Variants in KCNS2 observed in about 807,000 individuals in gnomAD.
KCNS2 encodes the protein potassium voltage-gated channel modifier subfamily S member 2, also known as delayed-rectifier potassium channel regulatory subunit KCNS2.
Under a neutral mutation model 28.3 loss-of-function variants are expected in KCNS2, and 15 were observed. That is an observed-to-expected ratio of 0.53 (90% confidence interval 0.35 to 0.82). KCNS2 has a LOEUF of 0.82. Ranked by LOEUF, KCNS2 falls within the 40% of genes least tolerant of loss-of-function variation. The pLI is 0.01. For missense variants in KCNS2, 501 were observed against 617.1 expected (o/e 0.81, Z 1.99); for synonymous variants, 254 against 256.7 (o/e 0.99, Z 0.10).
In KCNS2 at chr8:98,429,515, G is replaced by C; in HGVS notation, c.*102G>C. The C allele has an allele frequency of 1.2e-6, 1 of 804,630 alleles. No homozygotes were observed. Among genetic ancestry groups the C allele is most frequent in the East Asian group, 2.5e-5 (1 of 39,546 alleles). 49.8% of individuals were successfully genotyped at this position (804,630 alleles called of 1,614,324 possible). On this transcript the variant is annotated 3_prime_UTR_variant, in exon 2 of 2. Coordinates refer to ENST00000287042, the MANE Select transcript of KCNS2 (RefSeq NM_020697.4). ...GGTTATGGTGTAAGGAGTATGCCCA[G>C]CCCCTGAGGGGAGAGATGCATGGGA...
rs1214188884 is a variant in KCNS2 at position 98,428,181 on chromosome 8, GAGTTCT to G, written c.204_209del (p.Glu68_Tyr70delinsAsp). 6.2e-7 allele frequency: 1 copy of G among 1,614,072 alleles called. No homozygotes were observed. Among genetic ancestry groups the G allele is most frequent in the East Asian group, 2.2e-5 (1 of 44,864 alleles). Reference sequence around the variant, plus strand: ...CGATGACTACGACGACGTCCAGCGGGAGTTCTACTTCGACCGCAACCCTGAGCTCTT... The same window carrying G: ...CGATGACTACGACGACGTCCAGCGGGACTTCGACCGCAACCCTGAGCTCTT... On this transcript the variant is annotated inframe_deletion, in exon 2 of 2. Transcript: ENST00000287042. This position sits in a 1 kb window ranked among gnomAD's most constrained non-coding sequence, Gnocchi z 6.7.
Position 98,429,018 on chromosome 8 carries a change from G to T in KCNS2, c.1039G>T (p.Ala347Ser), listed in dbSNP as rs1472287991. Residue 347 changes from alanine (A) to serine (S), a missense_variant, in exon 2 of 2, where the codon GCC (alanine) becomes TCC (serine). Coordinates refer to ENST00000287042, the MANE Select transcript of KCNS2 (RefSeq NM_020697.4). Reference protein sequence around the residue: ...SVGISIFSVVAYTIEKEENEG... With the variant: ...SVGISIFSVVSYTIEKEENEG... ...GGGGATTTCCATCTTCTCCGTGGTG[G>T]CCTACACCATTGAAAAGGAGGAGAA... The T allele has an allele frequency of 6.2e-7, 1 of 1,613,924 alleles. No individual in the cohort carries two copies. Among genetic ancestry groups the T allele is most frequent in the Non-Finnish European group, 8.5e-7 (1 of 1,179,886 alleles).
rs140159901 is a variant in KCNS2, at chr8:98,428,085, C to A, written c.106C>A (p.Leu36Met). The change falls in exon 2 of 2, where the codon CTG becomes ATG. Residue 36 changes from leucine (L) to methionine (M), a missense_variant. By Grantham distance (15) the Leu-to-Met change is conservative. Transcript: ENST00000287042. The surrounding 1 kb of genome is among the most constrained non-coding windows in gnomAD (Gnocchi z 6.7). ...FKRRLRSHTL[L>M]RFPETRLGRL... is the part of the protein sequence containing the mutation. ...GAGGAGGCTGCGCTCGCACACGCTG[C>A]TGCGCTTCCCCGAGACGCGCCTGGG... 1.5e-5 allele frequency: 25 copies of A among 1,613,716 alleles called. No individual in the cohort carries two copies. Among genetic ancestry groups the A allele is most frequent in the Non-Finnish European group, 1.9e-5 (22 of 1,179,990 alleles).
In KCNS2 at chr8:98,428,657, G is replaced by A; in HGVS notation, c.678G>A (p.Arg226=). The A allele has an allele frequency of 6.2e-7, 1 of 1,614,178 alleles. No homozygotes were observed. The highest frequency in any genetic ancestry group is 8.5e-7 in the Non-Finnish European group (1 of 1,180,030). Residue 226 remains arginine (R), a synonymous_variant, in exon 2 of 2, where the codon AGG becomes AGA. Transcript: ENST00000287042. The surrounding 1 kb of genome is among the most constrained non-coding windows in gnomAD (Gnocchi z 6.7). ...DSQGNPGEDP[R]FEIVEHFGIA... is the part of the protein sequence containing the mutation. ...AGGGCAACCCTGGCGAGGACCCTAGGTTCGAAATCGTGGAGCACTTTGGCA... is the reference window on the plus strand; with the variant it reads ...AGGGCAACCCTGGCGAGGACCCTAGATTCGAAATCGTGGAGCACTTTGGCA...
rs913900322 is a variant in KCNS2 at position 98,431,382 on chromosome 8, C to T, written c.*1969C>T. The T allele has an allele frequency of 6.0e-6, 1 of 167,072 alleles. No homozygotes were observed. Among genetic ancestry groups the T allele is most frequent in the Non-Finnish European group, 1.5e-5 (1 of 68,142 alleles). 10.3% of individuals were successfully genotyped at this position (167,072 alleles called of 1,614,324 possible). A position where few individuals can be genotyped will look rare whatever the true frequency, so the allele number is the denominator to read the frequency against. On this transcript the variant is annotated 3_prime_UTR_variant, in exon 2 of 2. Coordinates refer to ENST00000287042, the MANE Select transcript of KCNS2 (RefSeq NM_020697.4). ...TGAAGCATCAGGAAAAGTGAGATGA[C>T]TTAGAGGCAACTGGGCACTGAATCA...
Position 98,432,523 on chromosome 8 carries a change from A to C in KCNS2, c.*3110A>C, listed in dbSNP as rs1309958031. 6.0e-6 allele frequency: 1 copy of C among 167,114 alleles called. No homozygotes were observed. Among genetic ancestry groups the C allele is most frequent in the Admixed American group, 6.5e-5 (1 of 15,286 alleles). The allele number at this position is 167,114 out of a possible 1,614,324, so 10.4% of individuals were successfully genotyped here. A position where few individuals can be genotyped will look rare whatever the true frequency, so the allele number is the denominator to read the frequency against. On this transcript the variant is annotated 3_prime_UTR_variant, in exon 2 of 2. Transcript: ENST00000287042. Reference sequence around the variant, plus strand: ...GTGAGGAAGGGCATGTTGTAATGCCAAGCTGATTTGTAGCTCGTAAGGTAG... The same window carrying C: ...GTGAGGAAGGGCATGTTGTAATGCCCAGCTGATTTGTAGCTCGTAAGGTAG...
rs757602152 is a variant in KCNS2, at chr8:98,428,371, A to C, written c.392A>C (p.Glu131Ala). ...YSYHGRKVEPEQEKWDEQSDQ... is the reference protein window; with the variant it reads ...YSYHGRKVEPAQEKWDEQSDQ... ...TACCATGGCCGCAAAGTAGAGCCCG[A>C]GCAGGAGAAGTGGGACGAGCAGAGT... The change falls in exon 2 of 2, where the codon GAG becomes GCG. Residue 131 changes from glutamate to alanine, a missense_variant. Physicochemically the swap from Glu to Ala is moderately radical, Grantham distance 107 (BLOSUM62 -1). Coordinates refer to ENST00000287042, the MANE Select transcript of KCNS2 (RefSeq NM_020697.4). This position sits in a 1 kb window ranked among gnomAD's most constrained non-coding sequence, Gnocchi z 6.7. The C allele has an allele frequency of 6.2e-7, 1 of 1,614,014 alleles. No individual in the cohort carries two copies. Among genetic ancestry groups the C allele is most frequent in the African/African-American group, 1.3e-5 (1 of 74,896 alleles).
chr8:98,428,558 C>T lies in KCNS2; in HGVS notation c.579C>T (p.Ser193=). Residue 193 remains serine (S), a synonymous_variant, in exon 2 of 2, where the codon TCC becomes TCT. Coordinates refer to ENST00000287042, the MANE Select transcript of KCNS2 (RefSeq NM_020697.4). The surrounding 1 kb of genome is among the most constrained non-coding windows in gnomAD (Gnocchi z 6.7). ...TGAGCAGGGTCTTCAGCATCCTGTC[C>T]ATCCTGGTGGTGATGGGGTCCATCA... The part of the protein sequence containing the change: ...SVLSRVFSIL[S]ILVVMGSIIT... The T allele has an allele frequency of 6.2e-7, 1 of 1,614,212 alleles. No individual in the cohort carries two copies. Among genetic ancestry groups the T allele is most frequent in the Non-Finnish European group, 8.5e-7 (1 of 1,180,044 alleles).
In KCNS2 at chr8:98,427,962, G is replaced by A. The variant is rs1818264520; in HGVS notation, c.-18G>A. 1 of 1,484,200 alleles carries A rather than the reference G, an allele frequency of 6.7e-7. No individual in the cohort carries two copies. The highest frequency in any genetic ancestry group is 1.4e-5 in the African/African-American group (1 of 70,756). 91.9% of individuals were successfully genotyped at this position (1,484,200 alleles called of 1,614,324 possible). A position where few individuals can be genotyped will look rare whatever the true frequency, so the allele number is the denominator to read the frequency against. On this transcript the variant is annotated 5_prime_UTR_variant, in exon 2 of 2. Coordinates refer to ENST00000287042, the MANE Select transcript of KCNS2 (RefSeq NM_020697.4). ...GGTGTAGCGCCCCCGCGCGGCGCGG[G>A]CGGCCGGCGCCTCCAGCATGACCGG...
rs968178565 is a variant in KCNS2 at position 98,431,978 on chromosome 8, C to T, written c.*2565C>T. 1.0e-4 allele frequency: 17 copies of T among 167,018 alleles called. No homozygotes were observed. The highest frequency in any genetic ancestry group is 3.4e-4 in the African/African-American group (14 of 41,404). 10.3% of individuals were successfully genotyped at this position (167,018 alleles called of 1,614,324 possible). ...CAGATAAGTGGGAGAAAGAACAACCCGGCTGGCTTAAACCCTGGAGCTAAT... is the reference window on the plus strand; with the variant it reads ...CAGATAAGTGGGAGAAAGAACAACCTGGCTGGCTTAAACCCTGGAGCTAAT... On this transcript the variant is annotated 3_prime_UTR_variant, in exon 2 of 2. Transcript: ENST00000287042.
rs1009069061 is a variant in KCNS2, at chr8:98,431,493, G to A, written c.*2080G>A. ...CAGCCCTGGAAGGCATAACATTTAC[G>A]GACTCATCCCCAGCTGCACTGAAGG... is the stretch of plus-strand genomic sequence containing the variant. On this transcript the variant is annotated 3_prime_UTR_variant, in exon 2 of 2. Transcript: ENST00000287042. The A allele has an allele frequency of 1.8e-5, 3 of 167,042 alleles. No individual in the cohort carries two copies. The highest frequency in any genetic ancestry group is 1.9e-4 in the East Asian group (1 of 5,206). 10.3% of individuals were successfully genotyped at this position (167,042 alleles called of 1,614,324 possible).
chr8:98,427,641 G>C, intron 1 of KCNS2: 1 of 174,952 alleles, frequency 5.7e-6, no homozygotes, highest in Non-Finnish European at 1.2e-5. Flanking sequence ...GGCGTCTCCC[G>C]GGCCTGCCCA....
rs1283603811 is a variant in KCNS2, at chr8:98,432,373, G to A, written c.*2960G>A. ...CCAGTGGGCCAAATATATGGGCCAG[G>A]CTTTGATATCTGTGATGTGCATTTT... is the stretch of plus-strand genomic sequence containing the variant. On this transcript the variant is annotated 3_prime_UTR_variant, in exon 2 of 2. Coordinates refer to ENST00000287042, the MANE Select transcript of KCNS2 (RefSeq NM_020697.4). 1 of 167,090 alleles carries A rather than the reference G, an allele frequency of 6.0e-6. No homozygotes were observed. Among genetic ancestry groups the A allele is most frequent in the Admixed American group, 6.5e-5 (1 of 15,284 alleles). 10.4% of individuals were successfully genotyped at this position (167,090 alleles called of 1,614,324 possible).
chr8:98,430,014 G>A lies in KCNS2; in HGVS notation c.*601G>A, dbSNP rs537417243. 6.0e-6 allele frequency: 1 copy of A among 167,308 alleles called. No individual in the cohort carries two copies. The highest frequency in any genetic ancestry group is 1.9e-4 in the East Asian group (1 of 5,192). The allele number at this position is 167,308 out of a possible 1,614,324, so 10.4% of individuals were successfully genotyped here. ...GTTTTTATAAATGATCTGTAGTTCC[G>A]TGGCTTGCATGGGTGCACCAATCAT... On this transcript the variant is annotated 3_prime_UTR_variant, in exon 2 of 2. Coordinates refer to ENST00000287042, the MANE Select transcript of KCNS2 (RefSeq NM_020697.4).
At position 98,429,623 on chromosome 8, in the gene KCNS2, T is replaced by G. The variant is rs1818300916; in HGVS notation, c.*210T>G. The G allele has an allele frequency of 1.9e-6, 1 of 537,432 alleles. No homozygotes were observed. The highest frequency in any genetic ancestry group is 3.4e-5 in the Admixed American group (1 of 29,008). The allele number at this position is 537,432 out of a possible 1,614,324, so 33.3% of individuals were successfully genotyped here. ...GACACCATGCCTTTGCACCTTTCCA[T>G]GAAATGACACTCACTGGTCTTTGCA... On this transcript the variant is annotated 3_prime_UTR_variant, in exon 2 of 2. Coordinates refer to ENST00000287042, the MANE Select transcript of KCNS2 (RefSeq NM_020697.4).
chr8:98,427,882 G>C lies in KCNS2; in HGVS notation c.-42-56G>C. The C allele has an allele frequency of 2.8e-6, 3 of 1,056,776 alleles. No individual in the cohort carries two copies. In the South Asian group the frequency reaches 5.0e-5, roughly 18 times the overall value. 65.5% of individuals were successfully genotyped at this position (1,056,776 alleles called of 1,614,324 possible). ...GGCCCGCCAGTAATGGGTAGGGAGA[G>C]GGGGCCCCGCCAGGGCGCACGGCGC... On this transcript the variant is annotated intron_variant, in intron 1 of 1. Coordinates refer to ENST00000287042, the MANE Select transcript of KCNS2 (RefSeq NM_020697.4).
chr8:98,429,489 T>C lies in KCNS2; in HGVS notation c.*76T>C. On this transcript the variant is annotated 3_prime_UTR_variant, in exon 2 of 2. Transcript: ENST00000287042. ...CCTCTGGCACAGCCCAGGCACCTTA[T>C]GGTTATGGTGTAAGGAGTATGCCCA... 2 of 1,055,302 alleles carry C rather than the reference T, an allele frequency of 1.9e-6. No individual in the cohort carries two copies. Among genetic ancestry groups the C allele is most frequent in the South Asian group, 1.5e-5 (1 of 68,182 alleles). 65.4% of individuals were successfully genotyped at this position (1,055,302 alleles called of 1,614,324 possible). A position where few individuals can be genotyped will look rare whatever the true frequency, so the allele number is the denominator to read the frequency against.
Position 98,428,072 on chromosome 8 carries a change from C to G in KCNS2, c.93C>G (p.Arg31=). The change falls in exon 2 of 2, where the codon CGC becomes CGG. Residue 31 remains arginine, a synonymous_variant. Coordinates refer to ENST00000287042, the MANE Select transcript of KCNS2 (RefSeq NM_020697.4). This position sits in a 1 kb window ranked among gnomAD's most constrained non-coding sequence, Gnocchi z 6.7. ...INVGGFKRRL[R]SHTLLRFPET... is the part of the protein sequence containing the mutation. ...TGGGCGGCTTCAAGAGGAGGCTGCG[C>G]TCGCACACGCTGCTGCGCTTCCCCG... 6.2e-7 allele frequency: 1 copy of G among 1,613,558 alleles called. No individual in the cohort carries two copies. Among genetic ancestry groups the G allele is most frequent in the Non-Finnish European group, 8.5e-7 (1 of 1,179,788 alleles).
Position 98,428,506 on chromosome 8 carries a change from C to T in KCNS2, c.527C>T (p.Ala176Val), listed in dbSNP as rs750851877. The T allele has an allele frequency of 1.9e-6, 3 of 1,613,492 alleles. No homozygotes were observed. Among genetic ancestry groups the T allele is most frequent in the South Asian group, 2.2e-5 (2 of 91,086 alleles). ...LGNFRRQLWLALDNPGYSVLS... is the reference protein window; with the variant it reads ...LGNFRRQLWLVLDNPGYSVLS... ...AACTTCCGCAGGCAGCTGTGGCTGG[C>T]GCTGGACAACCCCGGCTACTCAGTG... The change falls in exon 2 of 2, where the codon GCG (alanine) becomes GTG (valine). Residue 176 changes from alanine to valine, a missense_variant. Coordinates refer to ENST00000287042, the MANE Select transcript of KCNS2 (RefSeq NM_020697.4). The surrounding 1 kb of genome is among the most constrained non-coding windows in gnomAD (Gnocchi z 6.7).
Sources: gnomAD v4.1 joint callset for allele counts on GRCh38, gnomAD v4.1.1 for gene constraint, Gnocchi (gnomAD v3.1) non-coding constraint, MANE v1.5 for transcripts, NCBI Gene and HGNC (gene_info 2026-07-23, HGNC 2026-07-21) for gene names.